Variants in RBMS3 observed in about 807,000 individuals in gnomAD.
RBMS3 encodes RNA binding motif single stranded interacting protein 3.
A neutral mutation model predicts 66.8 loss-of-function variants in RBMS3; 27 were observed. That is an observed-to-expected ratio of 0.40 (90% CI 0.30 to 0.56). RBMS3 has a LOEUF of 0.56. Among genes scored for constraint, RBMS3 ranks in the 20% least tolerant of loss-of-function variants. RBMS3 has a pLI of 0.40. For synonymous variants in RBMS3, 188 were observed against 183.0 expected (o/e 1.03, Z -0.22); for missense variants, 513 against 549.5 (o/e 0.93, Z 0.66).
Position 29,679,701 on chromosome 3 carries a change from C to T in RBMS3, c.400-60019C>T, listed in dbSNP as rs74326206. On this transcript the variant is annotated intron_variant, in intron 4 of 14. Transcript: ENST00000383767. ...CCAAGCCAGTCTAGAGGATAGATAA[C>T]AATTGACTGTATATATACACAATGG... is the stretch of plus-strand genomic sequence containing the variant. Among the ~76,000 whole-genome samples, 279 of 151,040 alleles carry T rather than the reference C, an allele frequency of 1.8e-3. 7 individuals are homozygous for T. In the East Asian group the frequency reaches 0.048, roughly 26 times the overall value.
intron 3 of RBMS3, among the ~76,000 whole-genome samples, chr3:29,553,717 G>C (rs937947231): frequency 2.0e-5 from 3 of 151,072 alleles, no homozygotes; most frequent in Non-Finnish European, 4.4e-5. Flanking sequence ...CATTATGAAT[G>C]TCTCGATTTG....
intron 4 of RBMS3, among the ~76,000 whole-genome samples, chr3:29,640,612 G>C (rs1277008493): frequency 6.6e-6 from 1 of 151,932 alleles, no homozygotes; most frequent in African/African-American, 2.4e-5. Context: ...ATTTGATCGT[G>C]CATAGATTCC....
At chr3:29,659,877 A>G (rs569783360) in intron 4 of RBMS3, among the ~76,000 whole-genome samples, 34 of 152,240 alleles carry the variant, frequency 2.2e-4, no homozygotes, top group African/African-American at 8.2e-4. Context: ...TTATTTCTCT[A>G]CATCCTCATC....
intron 7 of RBMS3, among the ~76,000 whole-genome samples, chr3:29,876,886 C>A (rs1172678806): frequency 1.3e-5 from 2 of 151,890 alleles, no homozygotes; most frequent in African/African-American, 4.8e-5. Context: ...CATGAGATTT[C>A]TATGGGCCAG....
At chr3:29,499,971 G>A (rs921142480) in intron 3 of RBMS3, among the ~76,000 whole-genome samples, 6 of 151,850 alleles carry the variant, frequency 4.0e-5, no homozygotes, top group East Asian at 1.9e-4. Flanking sequence ...GAAATTCCAC[G>A]GGAAATATAA....
intron 3 of RBMS3, among the ~76,000 whole-genome samples, chr3:29,572,926 G>T (rs2149069770): frequency 6.6e-6 from 1 of 151,900 alleles, no homozygotes; most frequent in East Asian, 1.9e-4. Context: ...TTTTTATTAT[G>T]GATTCAATCT....
intron 10 of RBMS3, chr3:29,926,713 A>G (rs970147291): frequency 5.3e-5 from 8 of 152,244 alleles, no homozygotes; most frequent in African/African-American, 7.2e-5. Context: ...GATGAGGTCC[A>G]TAAATATTCA....
In RBMS3 at chr3:29,538,896, A is replaced by T. The variant is rs1431089462; in HGVS notation, c.308-48218A>T. On this transcript the variant is annotated intron_variant, in intron 3 of 14. Transcript: ENST00000383767. ...AATAAGAATGCTCAATTACATAGTT[A>T]TTAAGATTACATGATAAAATATATG... Among the ~76,000 whole-genome samples the T allele has an allele frequency of 2.0e-5, 3 of 152,198 alleles. No homozygotes were observed. The East Asian group carries it at 5.8e-4, about 29-fold the overall frequency.
At chr3:29,739,280 C>G (rs996505347) in intron 4 of RBMS3, among the ~76,000 whole-genome samples, 1 of 151,960 alleles carries the variant, frequency 6.6e-6, no homozygotes, top group Non-Finnish European at 1.5e-5. Flanking sequence ...CACGGTGAAA[C>G]CCCGTCTCTA....
intron 12 of RBMS3, among the ~76,000 whole-genome samples, chr3:29,948,349 G>T (rs971066628): frequency 2.6e-5 from 4 of 151,694 alleles, no homozygotes; most frequent in African/African-American, 9.7e-5. Context: ...CATTAATTTG[G>T]AATTTGTGAT....
At chr3:29,680,093 A>G (rs555906231) in intron 4 of RBMS3, among the ~76,000 whole-genome samples, 15 of 152,170 alleles carry the variant, frequency 9.9e-5, no homozygotes, top group Non-Finnish European at 1.9e-4. Context: ...CAAGCCTTGA[A>G]TACTTTGTGC....
intron 2 of RBMS3, among the ~76,000 whole-genome samples, chr3:29,478,460 G>A (rs1304282937): frequency 6.6e-6 from 1 of 152,010 alleles, no homozygotes; most frequent in Admixed American, 6.6e-5. Context: ...ATTCTTGAGA[G>A]CTCCACCCTC....
intron 4 of RBMS3, among the ~76,000 whole-genome samples, chr3:29,602,625 C>T (rs570352121): frequency 2.0e-5 from 3 of 152,118 alleles, no homozygotes; most frequent in East Asian, 3.9e-4. Context: ...ATTCTATACT[C>T]CAAAAGAACT....
At chr3:29,765,439 AGT>A (rs1352350288) in intron 6 of RBMS3, among the ~76,000 whole-genome samples, 1 of 151,870 alleles carries the variant, frequency 6.6e-6, no homozygotes, top group Non-Finnish European at 1.5e-5. Context: ...TACTTTAGAG[AGT>A]GTGTCTTTGC....
intron 6 of RBMS3, among the ~76,000 whole-genome samples, chr3:29,773,095 A>G (rs1217389776): frequency 6.6e-6 from 1 of 152,004 alleles, no homozygotes; most frequent in Non-Finnish European, 1.5e-5. Flanking sequence ...CCTATTCTTG[A>G]AAAGTTATTA....
intron 2 of RBMS3, among the ~76,000 whole-genome samples, chr3:29,446,906 C>CTT (rs11293530): frequency 0.12 from 7,928 of 68,918 alleles, 465 homozygotes; most frequent in Non-Finnish European, 0.15. Flanking sequence ...ATTAAGCAGT[C>CTT]TTTTTTTTTT....
At chr3:29,580,953 A>G (rs935299038) in intron 3 of RBMS3, among the ~76,000 whole-genome samples, 1 of 152,178 alleles carries the variant, frequency 6.6e-6, no homozygotes, top group African/African-American at 2.4e-5. Flanking sequence ...CAGGCAGTCC[A>G]TATGTGGCTT....
intron 1 of RBMS3, among the ~76,000 whole-genome samples, chr3:29,398,223 A>G (rs992129965): frequency 7.2e-5 from 11 of 152,142 alleles, no homozygotes; most frequent in Non-Finnish European, 1.5e-4. Context: ...ACTGTCTAAG[A>G]TGCTATTTAT....
At chr3:29,351,363 T>G (rs924664994) in intron 1 of RBMS3, among the ~76,000 whole-genome samples, 25 of 152,168 alleles carry the variant, frequency 1.6e-4, no homozygotes, top group African/African-American at 6.0e-4. Flanking sequence ...AAATTATCCA[T>G]GCATTTACAC....
Sources: allele counts gnomAD v4.1 joint callset (sites outside exome capture counted in the v4.1 genomes callset), GRCh38; gene constraint gnomAD v4.1.1; transcripts MANE v1.5; gene names NCBI Gene and HGNC (gene_info 2026-07-23, HGNC 2026-07-21).